The following CHST11 variants were observed in gnomAD, a reference collection of about 807,000 sequenced individuals.
CHST11 encodes carbohydrate sulfotransferase 11, also known as C4S-1.
A neutral mutation model predicts 30.4 loss-of-function variants in CHST11; 9 were observed. The ratio of observed to expected loss-of-function variants is 0.30; its 90% CI spans 0.18 to 0.52. CHST11 has a LOEUF of 0.52. Ranked by LOEUF, CHST11 falls within the 20% of genes least tolerant of loss-of-function variation. The pLI, the probability that CHST11 is intolerant of heterozygous loss-of-function variation, is 0.97. For synonymous variants in CHST11, 152 were observed against 187.8 expected (o/e 0.81, Z 1.56); for missense variants, 348 against 460.6 (o/e 0.76, Z 2.24).
At chr12:104,529,939 C>T (rs1253219415) in intron 1 of CHST11, among the ~76,000 whole-genome samples, 1 of 152,170 alleles carries the variant, frequency 6.6e-6, no homozygotes, top group Non-Finnish European at 1.5e-5. Context: ...GGGCGGATCA[C>T]TTGAAGACAG....
At chr12:104,658,603 G>A (rs2039567761) in intron 2 of CHST11, among the ~76,000 whole-genome samples, 1 of 152,120 alleles carries the variant, frequency 6.6e-6, no homozygotes, top group Non-Finnish European at 1.5e-5. Context: ...AGAGGGGGAG[G>A]TAGCCCTGGG....
In CHST11 at chr12:104,729,941, C is replaced by A. The variant is rs1251796910; in HGVS notation, c.205-27008C>A. Among the ~76,000 whole-genome samples the A allele has an allele frequency of 9.2e-5, 14 of 152,208 alleles. No individual in the cohort carries two copies. Among genetic ancestry groups the A allele is most frequent in the Non-Finnish European group, 1.5e-5 (1 of 68,038 alleles). ...TGGTTGGTGTCGGGGTGGTTTTGCA[C>A]TTTCTGTTTCCTGATCTCACCTGTC... On this transcript the variant is annotated intron_variant, in intron 2 of 2. Coordinates refer to ENST00000303694, the MANE Select transcript of CHST11 (RefSeq NM_018413.6). This position sits in a 1 kb window ranked among gnomAD's most constrained non-coding sequence, Gnocchi z 4.0.
chr12:104,552,644 C>T (rs934457195), intron 1 of CHST11: 5 of 152,200 alleles, frequency 3.3e-5, no homozygotes, highest in African/African-American at 1.2e-4. Flanking sequence ...CCTTTCATTC[C>T]TATCTCAGCA....
chr12:104,681,820 T>G (rs2039798108), intron 2 of CHST11, among the ~76,000 whole-genome samples: 5 of 143,346 alleles, frequency 3.5e-5, no homozygotes, highest in Non-Finnish European at 7.5e-5. Flanking sequence ...TTTTTGTCTG[T>G]TTTGCTTTTT....
intron 2 of CHST11, among the ~76,000 whole-genome samples, chr12:104,644,925 T>A (rs1302537904): frequency 2.0e-5 from 3 of 152,232 alleles, no homozygotes; most frequent in Non-Finnish European, 4.4e-5. Context: ...GACAGATCAC[T>A]GCAGCGAGCC....
intron 1 of CHST11, among the ~76,000 whole-genome samples, chr12:104,569,038 T>C (rs1202563803): frequency 6.6e-6 from 1 of 152,270 alleles, no homozygotes; most frequent in East Asian, 1.9e-4. Context: ...ACAACACTCC[T>C]GAGAGGTAAG....
intron 1 of CHST11, among the ~76,000 whole-genome samples, chr12:104,546,183 T>C (rs2038346887): frequency 1.3e-5 from 2 of 152,132 alleles, no homozygotes; most frequent in Admixed American, 1.3e-4. Context: ...GATTTAACTT[T>C]CCTGGGTTGG....
intron 2 of CHST11, among the ~76,000 whole-genome samples, chr12:104,754,877 C>T (rs559837887): frequency 1.3e-5 from 2 of 152,322 alleles, no homozygotes; most frequent in East Asian, 3.9e-4. Flanking sequence ...TGTTATAGTT[C>T]AGCGTGTTGC....
chr12:104,504,845 C>T lies in CHST11; in HGVS notation c.118+47316C>T, dbSNP rs894475248. On this transcript the variant is annotated intron_variant, in intron 1 of 2. Coordinates refer to ENST00000303694, the MANE Select transcript of CHST11 (RefSeq NM_018413.6). ...AACATCTGGGGCCCCATTGGAGGTTCTGATTTGGTTTGGGTGGTTGGAGTG... is the reference window on the plus strand; with the variant it reads ...AACATCTGGGGCCCCATTGGAGGTTTTGATTTGGTTTGGGTGGTTGGAGTG... Among the ~76,000 whole-genome samples the T allele has an allele frequency of 5.7e-4, 87 of 152,044 alleles. 1 individual carries two copies. Among genetic ancestry groups the T allele is most frequent in the Non-Finnish European group, 2.2e-4 (15 of 68,008 alleles).
At chr12:104,603,902 T>C (rs556695745) in intron 2 of CHST11, among the ~76,000 whole-genome samples, 2 of 152,378 alleles carry the variant, frequency 1.3e-5, no homozygotes, top group South Asian at 4.1e-4. Context: ...TGGAGCTTCC[T>C]GTGGAGTTTG....
intron 2 of CHST11, among the ~76,000 whole-genome samples, chr12:104,658,567 C>A (rs922546212): frequency 2.0e-5 from 3 of 152,150 alleles, no homozygotes; most frequent in Admixed American, 2.0e-4. Context: ...ACAGCGTGTA[C>A]CTTACATTCC....
chr12:104,759,198 G>C lies in CHST11; in HGVS notation c.*1395G>C, dbSNP rs2040504682. 1 of 152,146 alleles carries C rather than the reference G, an allele frequency of 6.6e-6. No individual in the cohort carries two copies. Among genetic ancestry groups the C allele is most frequent in the Non-Finnish European group, 1.5e-5 (1 of 68,024 alleles). 9.4% of individuals were successfully genotyped at this position (152,146 alleles called of 1,614,324 possible). On this transcript the variant is annotated 3_prime_UTR_variant, in exon 3 of 3. Transcript: ENST00000303694. ...CATACACACATGCACACCCTCTCAC[G>C]TCCTCCAGAGGCTGAAAGACTATCA...
chr12:104,654,748 A>T (rs964734092), intron 2 of CHST11, among the ~76,000 whole-genome samples: 1 of 152,158 alleles, frequency 6.6e-6, no homozygotes, highest in African/African-American at 2.4e-5. Flanking sequence ...GCAAGGTCAC[A>T]CGCAGACAGA....
At chr12:104,544,980 T>A (rs2038332575) in intron 1 of CHST11, among the ~76,000 whole-genome samples, 1 of 152,078 alleles carries the variant, frequency 6.6e-6, no homozygotes, top group Admixed American at 6.5e-5. Flanking sequence ...CAGGGCAGCG[T>A]CCTTGTTCTG....
chr12:104,574,858 T>TAAA (rs934711272), intron 1 of CHST11, among the ~76,000 whole-genome samples: 7 of 148,032 alleles, frequency 4.7e-5, no homozygotes, highest in African/African-American at 1.7e-4. Context: ...AAAGTATAAT[T>TAAA]AAAAAAAAAG....
intron 2 of CHST11, among the ~76,000 whole-genome samples, chr12:104,675,716 T>C (rs1044594316): frequency 6.6e-6 from 1 of 152,246 alleles, no homozygotes; most frequent in Non-Finnish European, 1.5e-5. Flanking sequence ...TTTCCTCTCC[T>C]GTGGAATGGG....
At chr12:104,609,620 C>T (rs949140665) in intron 2 of CHST11, among the ~76,000 whole-genome samples, 1 of 152,142 alleles carries the variant, frequency 6.6e-6, no homozygotes, top group African/African-American at 2.4e-5. Context: ...CCCAGCCCAG[C>T]TGTATGACCT....
intron 2 of CHST11, among the ~76,000 whole-genome samples, chr12:104,684,711 C>G (rs1592837833): frequency 6.6e-6 from 1 of 152,082 alleles, no homozygotes. Flanking sequence ...CCATGCCTGG[C>G]TAATTTTTTG....
chr12:104,528,002 A>T (rs549855872), intron 1 of CHST11, among the ~76,000 whole-genome samples: 155 of 152,272 alleles, frequency 1.0e-3, no homozygotes, highest in African/African-American at 3.6e-3. Context: ...GTCACCTCCC[A>T]CCAGGTTCCT....
Sources: gnomAD v4.1 joint callset for allele counts (sites outside exome capture counted in the v4.1 genomes callset) on GRCh38, gnomAD v4.1.1 for gene constraint, Gnocchi (gnomAD v3.1) non-coding constraint, MANE v1.5 for transcripts, NCBI Gene and HGNC (gene_info 2026-07-23, HGNC 2026-07-21) for gene names.